Variants in SOX5 observed in about 807,000 individuals in gnomAD.
The protein encoded by SOX5 is transcription factor SOX-5.
In SOX5, 9 loss-of-function variants were observed where a neutral mutation model predicts 92.0. The ratio of observed to expected loss-of-function variants is 0.10; its 90% CI spans 0.06 to 0.17. The LOEUF (loss-of-function observed/expected upper bound fraction) is 0.17. SOX5 is among the 10% of genes least tolerant of loss of function. The pLI is 1.00. For synonymous variants in SOX5, 344 were observed against 336.3 expected (o/e 1.02, Z -0.25); for missense variants, 642 against 944.5 (o/e 0.68, Z 4.20).
At chr12:24,509,151 T>C (rs80065369) in intron 1 of SOX5, among the ~76,000 whole-genome samples, 2,851 of 152,350 alleles carry the variant, frequency 0.019, 46 homozygotes, top group Non-Finnish European at 0.028. Flanking sequence ...ATTTAACCTT[T>C]CTATTCTTTC....
At chr12:24,051,101 T>C (rs1331157837) in intron 4 of SOX5, among the ~76,000 whole-genome samples, 1 of 152,124 alleles carries the variant, frequency 6.6e-6, no homozygotes, top group South Asian at 2.1e-4. Context: ...GACAGAGAGA[T>C]GGAAAGCCTG....
chr12:24,544,529 C>A (rs1952434748), intron 1 of SOX5, among the ~76,000 whole-genome samples: 2 of 152,146 alleles, frequency 1.3e-5, no homozygotes. Flanking sequence ...GTGGCCCCAA[C>A]CTTTTAGTTA....
intron 1 of SOX5, among the ~76,000 whole-genome samples, chr12:24,402,496 C>T (rs1046024868): frequency 6.6e-6 from 1 of 152,160 alleles, no homozygotes; most frequent in African/African-American, 2.4e-5. Flanking sequence ...TTCATCTCTG[C>T]AGCTACTCTC....
At chr12:24,366,637 C>G (rs1204279024) in intron 2 of SOX5, among the ~76,000 whole-genome samples, 1 of 152,102 alleles carries the variant, frequency 6.6e-6, no homozygotes, top group Non-Finnish European at 1.5e-5. Context: ...TCATACCATC[C>G]TATTCCATAA....
At chr12:24,248,092 T>G (rs554117770) in intron 3 of SOX5, among the ~76,000 whole-genome samples, 1 of 152,344 alleles carries the variant, frequency 6.6e-6, no homozygotes, top group South Asian at 2.1e-4. Flanking sequence ...TTTACTGAAC[T>G]TGTCAGAAAA....
chr12:24,144,284 A>G (rs1451761122), intron 4 of SOX5, among the ~76,000 whole-genome samples: 1 of 152,176 alleles, frequency 6.6e-6, no homozygotes, highest in South Asian at 2.1e-4. Flanking sequence ...CAGATCCATC[A>G]CACAAGAAAT....
rs375080377 is a variant in SOX5, at chr12:24,357,854, AGAAAG to A, written c.-174+10704_-174+10708del. Among the ~76,000 whole-genome samples, 39 of 142,002 alleles carry A rather than the reference AGAAAG, an allele frequency of 2.7e-4. 1 individual carries two copies. The highest frequency in any genetic ancestry group is 1.1e-3 in the East Asian group (5 of 4,354). The allele number at this position is 142,002 out of a possible 152,430, so 93.2% of individuals were successfully genotyped here. ...AGACTCCATCTCAAAAAAAAAAAAA[AGAAAG>A]AAGAAAAAAGAAAGCCTATTGAAAT... On this transcript the variant is annotated intron_variant, in intron 2 of 4. Transcript: ENST00000446891.
At chr12:24,170,549 G>A (rs1303768643) in intron 4 of SOX5, among the ~76,000 whole-genome samples, 1 of 152,180 alleles carries the variant, frequency 6.6e-6, no homozygotes, top group African/African-American at 2.4e-5. Context: ...TGTTTCTGAT[G>A]GCATTTGCAG....
In SOX5 at chr12:24,272,140, A is replaced by C. The variant is rs532430448; in HGVS notation, c.-77+5076T>G. On this transcript the variant is annotated intron_variant, in intron 3 of 4. Coordinates refer to the SOX5 transcript ENST00000446891. ...ATGAATATGGTATATCTCATCATTC[A>C]TATCAGCCTTAGAAAATATTACTTA... Among the ~76,000 whole-genome samples the C allele has an allele frequency of 1.1e-4, 17 of 152,356 alleles. No individual in the cohort carries two copies. In the South Asian group the frequency reaches 3.5e-3, roughly 32 times the overall value.
intron 1 of SOX5, among the ~76,000 whole-genome samples, chr12:24,534,213 T>G (rs1186404159): frequency 6.6e-6 from 1 of 151,774 alleles, no homozygotes; most frequent in Non-Finnish European, 1.5e-5. Flanking sequence ...GCAATTCAAA[T>G]GGGACAAAAG....
At chr12:24,028,412 T>A (rs889681652) in intron 4 of SOX5, among the ~76,000 whole-genome samples, 2 of 151,944 alleles carry the variant, frequency 1.3e-5, no homozygotes, top group Non-Finnish European at 2.9e-5. Context: ...TAGTAATATA[T>A]CAAATATCTA....
intron 4 of SOX5, among the ~76,000 whole-genome samples, chr12:23,963,734 T>C (rs575921063): frequency 4.6e-5 from 6 of 130,992 alleles, no homozygotes; most frequent in East Asian, 2.3e-4. Context: ...CTGAGTCTAG[T>C]ATACATGCAG....
intron 1 of SOX5, among the ~76,000 whole-genome samples, chr12:24,560,935 A>G (rs1351185728): frequency 6.6e-6 from 1 of 152,156 alleles, no homozygotes; most frequent in Non-Finnish European, 1.5e-5. Flanking sequence ...ACTAGGGGCC[A>G]TTATTTATGA....
chr12:24,099,463 G>A (rs1048791823), intron 4 of SOX5, among the ~76,000 whole-genome samples: 5 of 152,180 alleles, frequency 3.3e-5, no homozygotes, highest in African/African-American at 9.6e-5. Context: ...GAATTCGGAT[G>A]AAGGAGCTAC....
At chr12:23,854,056 T>TA (rs1213930253) in intron 2 of SOX5, among the ~76,000 whole-genome samples, 3 of 152,152 alleles carry the variant, frequency 2.0e-5, no homozygotes, top group Non-Finnish European at 2.9e-5. Context: ...ACTAAATATC[T>TA]ATTCACTCTA....
chr12:24,036,233 T>C (rs1042910181), intron 4 of SOX5, among the ~76,000 whole-genome samples: 3 of 152,082 alleles, frequency 2.0e-5, no homozygotes, highest in African/African-American at 7.2e-5. Flanking sequence ...ATGCTGACTT[T>C]AGTAGCAATA....
chr12:23,600,552 T>TATATATATAC (rs745640453), intron 9 of SOX5, among the ~76,000 whole-genome samples: 2,199 of 94,970 alleles, frequency 0.023, 69 homozygotes, highest in Non-Finnish European at 0.037. Flanking sequence ...TATATATATA[T>TATATATATAC]ACACATACTT....
At chr12:23,808,517 AAC>A (rs1424903354) in intron 3 of SOX5, among the ~76,000 whole-genome samples, 1 of 152,210 alleles carries the variant, frequency 6.6e-6, no homozygotes, top group Non-Finnish European at 1.5e-5. Flanking sequence ...TTCAAAATAA[AAC>A]ACTTATTTGT....
At chr12:24,231,233 T>C (rs1963328816) in intron 3 of SOX5, among the ~76,000 whole-genome samples, 1 of 152,230 alleles carries the variant, frequency 6.6e-6, no homozygotes, top group African/African-American at 2.4e-5. Context: ...AGAATTATTT[T>C]ATTTTTAAAC....
Sources: gnomAD v4.1 joint callset for allele counts (sites outside exome capture counted in the v4.1 genomes callset) on GRCh38, gnomAD v4.1.1 for gene constraint, MANE v1.5 for transcripts, NCBI Gene and HGNC (gene_info 2026-07-23, HGNC 2026-07-21) for gene names.